Variants in CA4 observed in about 807,000 individuals in gnomAD.
The protein encoded by CA4 is carbonic anhydrase 4.
CA4 carries 24 observed loss-of-function variants against 34.5 expected under a neutral mutation model. The observed-to-expected ratio is 0.70, with a 90% CI of 0.50 to 0.98. The LOEUF (loss-of-function observed/expected upper bound fraction) is 0.98, where lower values mean the gene tolerates loss of function less well. Ranked by LOEUF, CA4 falls within the 50% of genes least tolerant of loss-of-function variation. CA4 has a pLI of 0.00. For missense variants in CA4, 394 were observed against 396.7 expected (o/e 0.99, Z 0.06); for synonymous variants, 178 against 170.6 (o/e 1.04, Z -0.34).
Position 60,149,986 on chromosome 17 carries a change from TC to T in CA4, c.-47del. 1 of 1,517,672 alleles carries T rather than the reference TC, an allele frequency of 6.6e-7. No homozygotes were observed. Among genetic ancestry groups the T allele is most frequent in the Non-Finnish European group, 9.0e-7 (1 of 1,108,580 alleles). The allele number at this position is 1,517,672 out of a possible 1,614,324, so 94.0% of individuals were successfully genotyped here. A position where few individuals can be genotyped will look rare whatever the true frequency, so the allele number is the denominator to read the frequency against. Reference sequence around the variant, plus strand: ...CAGGATCGCTGCACCCGCGGCGGCCTCCTCGGTGCGCGACCCCCGGCTCAGA... The same window carrying T: ...CAGGATCGCTGCACCCGCGGCGGCCTCTCGGTGCGCGACCCCCGGCTCAGA... On this transcript the variant is annotated 5_prime_UTR_variant, in exon 1 of 8. Coordinates refer to ENST00000300900, the MANE Select transcript of CA4 (RefSeq NM_000717.5).
chr17:60,170,311 G>A (rs2083901364), intron 5 of CA4, among the ~76,000 whole-genome samples: 3 of 152,178 alleles, frequency 2.0e-5, no homozygotes, highest in South Asian at 2.1e-4. Flanking sequence ...TGGGGAGCAC[G>A]AGATTCTCAT....
downstream of CA4, among the ~76,000 whole-genome samples, chr17:60,162,129 C>T (rs1377895193): frequency 2.6e-5 from 4 of 152,232 alleles, no homozygotes; most frequent in East Asian, 5.8e-4. Context: ...GGCCACCTCC[C>T]ATGTCCTGCC....
Position 60,158,320 on chromosome 17 carries a change from C to A in CA4, c.618C>A (p.Asp206Glu), listed in dbSNP as rs1237307478. ...CGATGGCAGAGAGCAGCCTGTTGGA[C>A]CTGCTCCCCAAGGAGGAGAAACTGA... ...STTMAESSLLDLLPKEEKLRH... is the reference protein window; with the variant it reads ...STTMAESSLLELLPKEEKLRH... The change falls in exon 7 of 8, where the codon GAC (aspartate) becomes GAA (glutamate). Residue 206 changes from aspartate to glutamate, a missense_variant. Asp to Glu is a conservative substitution (Grantham distance 45). Coordinates refer to ENST00000300900, the MANE Select transcript of CA4 (RefSeq NM_000717.5). 3.7e-6 allele frequency: 6 copies of A among 1,614,018 alleles called. No homozygotes were observed. In the East Asian group the frequency reaches 1.1e-4, roughly 30 times the overall value.
chr17:60,171,412 T>C (rs73320965), downstream of CA4, among the ~76,000 whole-genome samples: 5,560 of 152,326 alleles, frequency 0.037, 367 homozygotes, highest in African/African-American at 0.13. Context: ...GGCAGCAGGC[T>C]GACTGCTCCG....
chr17:60,171,938 G>A (rs1036569036), downstream of CA4, among the ~76,000 whole-genome samples: 4 of 152,202 alleles, frequency 2.6e-5, no homozygotes, highest in African/African-American at 9.6e-5. Flanking sequence ...CAAACACTGC[G>A]GACTGGACTT....
chr17:60,169,282 G>GCAA (rs1178502031), intron 5 of CA4, among the ~76,000 whole-genome samples: 1 of 151,000 alleles, frequency 6.6e-6, no homozygotes, highest in Non-Finnish European at 1.5e-5. Flanking sequence ...AGCAGCAGCA[G>GCAA]CAGCAACAGC....
exon 6 of CA4, chr17:60,170,623 A>G (rs2083903993): frequency 6.6e-6 from 1 of 152,382 alleles, no homozygotes; most frequent in Middle Eastern, 3.4e-3. Flanking sequence ...AGAGGCCTGC[A>G]TGACTCTTTA....
chr17:60,154,512 C>G (rs1441510563), intron 1 of CA4, among the ~76,000 whole-genome samples: 2 of 152,218 alleles, frequency 1.3e-5, no homozygotes, highest in Non-Finnish European at 2.9e-5. Context: ...AATTAATAGA[C>G]TTTATTTTTA....
rs1567733277 is a variant in CA4, at chr17:60,159,427, GCTCACTTCTGCACGCAGC to G, written c.*7_*24del. 1.2e-6 allele frequency: 2 copies of G among 1,610,426 alleles called. No homozygotes were observed. The highest frequency in any genetic ancestry group is 2.2e-5 in the South Asian group (2 of 90,830). ...TGCTGGCCGGCTTCCTGCGATGATG[GCTCACTTCTGCACGCAGC>G]CTCTCTGTTGCCTCAGCTCTCCAAG... On this transcript the variant is annotated 3_prime_UTR_variant, in exon 8 of 8. Coordinates refer to ENST00000300900, the MANE Select transcript of CA4 (RefSeq NM_000717.5).
intron 2 of CA4, 127 bp from the exon 3 acceptor site, chr17:60,156,433 C>T (rs2083684944): frequency 4.3e-6 from 4 of 926,592 alleles, no homozygotes; most frequent in Non-Finnish European, 7.1e-6. Context: ...TGCAGCACAG[C>T]CTTCAGGCCA....
At position 60,167,488 on chromosome 17, in the gene CA4, G is replaced by A. The variant is rs1354406948; in HGVS notation, c.*179-3063G>A. 2.0e-5 allele frequency among the ~76,000 whole-genome samples: 3 copies of A among 152,216 alleles called. No individual in the cohort carries two copies. The East Asian group carries it at 5.8e-4, about 29-fold the overall frequency. ...AGAGCATCGAAGTGCCCAGGCCAAG[G>A]CTGGCCACAGAGAGGGAGGGCAGGT... On this transcript the variant is annotated intron_variant and NMD_transcript_variant, in intron 5 of 5. Coordinates refer to the CA4 transcript ENST00000586876.
intron 3 of CA4, 136 bp from the exon 4 acceptor site, chr17:60,157,291 C>G (rs2083705234): frequency 1.1e-6 from 1 of 944,892 alleles, no homozygotes; most frequent in African/African-American, 1.6e-5. Context: ...CCCCGCGCCA[C>G]CCCTGCAGGC....
In CA4 at chr17:60,150,046, G is replaced by T; in HGVS notation, c.12G>T (p.Leu4=). 2 of 1,602,264 alleles carry T rather than the reference G, an allele frequency of 1.2e-6. No individual in the cohort carries two copies. The highest frequency in any genetic ancestry group is 1.7e-6 in the Non-Finnish European group (2 of 1,179,186). Residue 4 remains leucine, a synonymous_variant, in exon 1 of 8, where the codon CTG becomes CTT. Transcript: ENST00000300900. MRM[L]LALLALSAAR... ...TGCTGTCCCGCAAGATGCGGATGCT[G>T]CTGGCGCTCCTGGCCCTCTCCGCGG... is the stretch of plus-strand genomic sequence containing the variant.
intron 1 of CA4, among the ~76,000 whole-genome samples, chr17:60,151,713 G>A (rs534746891): frequency 2.6e-5 from 4 of 152,292 alleles, no homozygotes; most frequent in Admixed American, 6.5e-5. Context: ...TCAGGAATGT[G>A]TCTCAGCTCA....
chr17:60,164,640 C>T (rs2083836742), intron 5 of CA4, among the ~76,000 whole-genome samples: 1 of 152,170 alleles, frequency 6.6e-6, no homozygotes, highest in Non-Finnish European at 1.5e-5. Flanking sequence ...ATCCACCTGC[C>T]TCGGCCTCCC....
At position 60,159,462 on chromosome 17, in the gene CA4, C is replaced by G. The variant is rs1196438406; in HGVS notation, c.*38C>G. On this transcript the variant is annotated 3_prime_UTR_variant, in exon 8 of 8. Transcript: ENST00000300900. ...GCACGCAGCCTCTCTGTTGCCTCAG[C>G]TCTCCAAGTTCCAGGCTTCCGGTCC... The G allele has an allele frequency of 1.3e-6, 2 of 1,599,780 alleles. No homozygotes were observed. The highest frequency in any genetic ancestry group is 1.7e-5 in the Admixed American group (1 of 59,408).
chr17:60,158,576 A>G (rs1597996455), intron 7 of CA4, 130 bp downstream of exon 7: 1 of 880,144 alleles, frequency 1.1e-6, no homozygotes, highest in African/African-American at 1.7e-5. Flanking sequence ...GTTGTTAATC[A>G]TCGACATTCA....
At position 60,159,483 on chromosome 17, in the gene CA4, G is replaced by A. The variant is rs530720914; in HGVS notation, c.*59G>A. ...TCAGCTCTCCAAGTTCCAGGCTTCC[G>A]GTCCTTAGCCTTCCCAGGTGGGACT... On this transcript the variant is annotated 3_prime_UTR_variant, in exon 8 of 8. Coordinates refer to ENST00000300900, the MANE Select transcript of CA4 (RefSeq NM_000717.5). 3.1e-3 allele frequency: 4,871 copies of A among 1,563,098 alleles called. 13 individuals are homozygous for A. The highest frequency in any genetic ancestry group is 3.7e-3 in the Non-Finnish European group (4,273 of 1,146,410).
At chr17:60,161,167 C>T (rs1006723043), downstream of CA4, among the ~76,000 whole-genome samples, 5 of 151,866 alleles carry the variant, frequency 3.3e-5, no homozygotes, top group African/African-American at 1.2e-4. Flanking sequence ...GTGATTACAT[C>T]TCTAATGGGT....
Sources: gnomAD v4.1 joint callset for allele counts (sites outside exome capture counted in the v4.1 genomes callset) on GRCh38, gnomAD v4.1.1 for gene constraint, MANE v1.5 for transcripts, NCBI Gene and HGNC (gene_info 2026-07-23, HGNC 2026-07-21) for gene names.